Variants in USP47 observed in about 807,000 individuals in gnomAD.
USP47 encodes the protein ubiquitin specific peptidase 47, also known as ubiquitin carboxyl-terminal hydrolase 47.
In USP47, 35 loss-of-function variants were observed where a neutral mutation model predicts 165.1. The ratio of observed to expected loss-of-function variants is 0.21; its 90% CI spans 0.16 to 0.28. The LOEUF is 0.28. Ranked by LOEUF, USP47 falls within the 10% of genes least tolerant of loss-of-function variation. The probability of loss-of-function intolerance (pLI) is 1.00; values close to 1 mark genes in which losing one functional copy is unlikely to be tolerated. For missense variants in USP47, 1,277 were observed against 1,607.4 expected (o/e 0.79, Z 3.52); for synonymous variants, 531 against 544.5 (o/e 0.98, Z 0.35).
chr11:11,959,683 T>C lies in USP47; in HGVS notation c.*3508T>C, dbSNP rs1847369608. Among the ~76,000 whole-genome samples, 1 of 152,112 alleles carries C rather than the reference T, an allele frequency of 6.6e-6. No individual in the cohort carries two copies. The highest frequency in any genetic ancestry group is 2.4e-5 in the African/African-American group (1 of 41,398). On this transcript the variant is annotated 3_prime_UTR_variant, in exon 28 of 28. Coordinates refer to ENST00000527733, the MANE Select transcript of USP47 (RefSeq NM_001282659.2). Reference sequence around the variant, plus strand: ...GCATGTGTTACTATTTAGAAAAGAGTGCAGCCATCAGTAGGTCAAGCTAGG... The same window carrying C: ...GCATGTGTTACTATTTAGAAAAGAGCGCAGCCATCAGTAGGTCAAGCTAGG...
rs1852314527 is a variant in USP47, at chr11:11,902,866, A to G, written c.739+6A>G. 6.4e-7 allele frequency: 1 copy of G among 1,558,278 alleles called. No individual in the cohort carries two copies. The highest frequency in any genetic ancestry group is 8.6e-7 in the Non-Finnish European group (1 of 1,157,654). On this transcript the variant is annotated splice_donor_region_variant and intron_variant, in intron 6 of 27. Coordinates refer to ENST00000527733, the MANE Select transcript of USP47 (RefSeq NM_001282659.2). The stretch of plus-strand genomic sequence containing the variant: ...TGGATGGGATAGTAGTGAGGGTACT[A>G]ATTCTCTTGTAATGATAAGCGTTCT...
chr11:11,875,428 G>A (rs1485160074), intron 1 of USP47, among the ~76,000 whole-genome samples: 1 of 152,122 alleles, frequency 6.6e-6, no homozygotes, highest in Non-Finnish European at 1.5e-5. Context: ...AAGAAAAGGA[G>A]ACAAGATGAC....
chr11:11,863,879 G>C (rs1347711207), intron 1 of USP47, among the ~76,000 whole-genome samples: 1 of 152,032 alleles, frequency 6.6e-6, no homozygotes, highest in Non-Finnish European at 1.5e-5. Flanking sequence ...GGCAGTACAA[G>C]GTATCCCAAA....
chr11:11,933,140 T>C, intron 15 of USP47, 24 bp downstream of exon 15: 1 of 1,591,258 alleles, frequency 6.3e-7, no homozygotes, highest in East Asian at 2.2e-5. Context: ...ATTTTATTTT[T>C]AATTGAAAGT....
In USP47 at chr11:11,926,763, A is replaced by G. The variant is rs371635168; in HGVS notation, c.1387-2671A>G. Among the ~76,000 whole-genome samples, 4 of 114,014 alleles carry G rather than the reference A, an allele frequency of 3.5e-5. No individual in the cohort carries two copies. In the South Asian group the frequency reaches 8.0e-4, roughly 23 times the overall value. 74.8% of individuals were successfully genotyped at this position (114,014 alleles called of 152,430 possible). On this transcript the variant is annotated intron_variant, in intron 11 of 27. Transcript: ENST00000527733. The stretch of plus-strand genomic sequence containing the variant: ...CCTTCCCAACTTAGTTTGTTCTTCT[A>G]TTTCTGGTTCCTTGTGGTATAAAGT...
chr11:11,851,023 G>A (rs542654664), intron 1 of USP47, among the ~76,000 whole-genome samples: 38 of 152,144 alleles, frequency 2.5e-4, no homozygotes, highest in Non-Finnish European at 5.1e-4. Flanking sequence ...CATCATATTG[G>A]CAAGTAGGGT....
chr11:11,942,380 G>T lies in USP47; in HGVS notation c.2359G>T (p.Ala787Ser), dbSNP rs752963068. ...SETLDYQMAF[A>S]DSHLWKLLDR... Reference sequence around the variant, plus strand: ...GACTTTGGATTACCAGATGGCCTTTGCAGACTCTCATTTATGGAAACTCCT... The same window carrying T: ...GACTTTGGATTACCAGATGGCCTTTTCAGACTCTCATTTATGGAAACTCCT... The change falls in exon 20 of 28, where the codon GCA becomes TCA. Residue 787 changes from alanine to serine, a missense_variant. By Grantham distance (99) the Ala-to-Ser change is moderately conservative. This residue lies in a region of USP47 where 909 missense variants were observed against 1,068.1 expected (regional missense o/e 0.85). Transcript: ENST00000527733. 6.2e-7 allele frequency: 1 copy of T among 1,612,554 alleles called. No individual in the cohort carries two copies. The highest frequency in any genetic ancestry group is 1.1e-5 in the South Asian group (1 of 90,904).
In USP47 at chr11:11,956,057, AAAAAG is replaced by A. The variant is rs1361896053; in HGVS notation, c.3954_3958del (p.Glu1319GlnfsTer16). 6.2e-7 allele frequency: 1 copy of A among 1,602,890 alleles called. No individual in the cohort carries two copies. On this transcript the variant is annotated frameshift_variant, in exon 28 of 28. Transcript: ENST00000527733. LOFTEE classifies it high-confidence loss of function. ...GATGAGCAAAGAAATGAACTGATGA[AAAAAG>A]AAAGCAGTCGACTCCAGAAGACTGG...
At position 11,917,940 on chromosome 11, in the gene USP47, G is replaced by T. The variant is rs551998694; in HGVS notation, c.970-2216G>T. 5.3e-5 allele frequency among the ~76,000 whole-genome samples: 8 copies of T among 152,222 alleles called. No individual in the cohort carries two copies. In the South Asian group the frequency reaches 1.7e-3, roughly 32 times the overall value. On this transcript the variant is annotated intron_variant, in intron 8 of 27. Transcript: ENST00000527733. ...TTGATTTAGGCAGGAATCTGTAAGTGGATGTTAAAATCAAGGGTGGAAGAT... is the reference window on the plus strand; with the variant it reads ...TTGATTTAGGCAGGAATCTGTAAGTTGATGTTAAAATCAAGGGTGGAAGAT...
intron 1 of USP47, among the ~76,000 whole-genome samples, chr11:11,865,956 C>G (rs574845652): frequency 2.0e-5 from 3 of 152,038 alleles, no homozygotes; most frequent in East Asian, 1.9e-4. Context: ...TATTTTCTCC[C>G]ATTCTGAGTT....
chr11:11,947,805 G>T, intron 20 of USP47, 140 bp from the exon 21 acceptor site: 1 of 720,440 alleles, frequency 1.4e-6, no homozygotes. Flanking sequence ...CATTCAGTGT[G>T]GTATATTAGC....
At chr11:11,897,151 T>C (rs4360694) in intron 4 of USP47, among the ~76,000 whole-genome samples, 32,802 of 150,562 alleles carry the variant, frequency 0.22, 4,294 homozygotes, top group Non-Finnish European at 0.29. Flanking sequence ...GGTAACTGGT[T>C]CTGTATAGTC....
chr11:11,938,194 A>G (rs1564888623), intron 17 of USP47, 63 bp from the exon 18 acceptor site: 2 of 1,372,896 alleles, frequency 1.5e-6, no homozygotes, highest in East Asian at 4.6e-5. Context: ...AGAATGCATT[A>G]CTCATGTGAA....
intron 1 of USP47, chr11:11,873,988 T>C: frequency 2.1e-6 from 1 of 480,618 alleles, no homozygotes; most frequent in Admixed American, 4.4e-5. Flanking sequence ...TTCTACCCAA[T>C]TTTAATAATA....
rs180875676 is a variant in USP47 at position 11,943,036 on chromosome 11, T to G, written c.3015T>G (p.Ser1005Arg). 4 of 1,612,894 alleles carry G rather than the reference T, an allele frequency of 2.5e-6. No individual in the cohort carries two copies. The highest frequency in any genetic ancestry group is 3.4e-6 in the Non-Finnish European group (4 of 1,179,446). ...GTGAATATGATGAGAGTGGCAAGAG[T>G]AGGGGAGAAATGCAGTACATGTATT... ...TDSEYDESGK[S>R]RGEMQYMYFK... Residue 1005 changes from serine (S) to arginine (R), a missense_variant, in exon 20 of 28, where the codon AGT becomes AGG. Around this residue, in one of 4 missense-constraint regions of USP47, gnomAD observed 909 missense variants for 1,068.1 expected, o/e 0.85. Transcript: ENST00000527733.
intron 1 of USP47, among the ~76,000 whole-genome samples, chr11:11,874,629 G>T (rs181578698): frequency 6.6e-6 from 1 of 150,976 alleles, no homozygotes; most frequent in Non-Finnish European, 1.5e-5. Flanking sequence ...GTGTGACCTC[G>T]GCTGACTGCA....
intron 18 of USP47, among the ~76,000 whole-genome samples, chr11:11,938,660 C>T (rs578086683): frequency 6.6e-6 from 1 of 151,944 alleles, no homozygotes; most frequent in African/African-American, 2.4e-5. Context: ...ACAGTAAACA[C>T]GAAAGTTTGG....
At chr11:11,939,728 T>C (rs1564889316) in intron 18 of USP47, among the ~76,000 whole-genome samples, 1 of 151,984 alleles carries the variant, frequency 6.6e-6, no homozygotes, top group Non-Finnish European at 1.5e-5. Flanking sequence ...TTAATAATCT[T>C]ACTGAGAAAA....
At chr11:11,916,191 G>T (rs1161774758) in intron 8 of USP47, among the ~76,000 whole-genome samples, 1 of 152,200 alleles carries the variant, frequency 6.6e-6, no homozygotes, top group Non-Finnish European at 1.5e-5. Context: ...GCTCACGCCT[G>T]TAATCCTAGC....
Sources: allele counts gnomAD v4.1 joint callset (sites outside exome capture counted in the v4.1 genomes callset), GRCh38; gene constraint gnomAD v4.1.1; regional missense constraint gnomAD v4.1.1; transcripts MANE v1.5; gene names NCBI Gene and HGNC (gene_info 2026-07-23, HGNC 2026-07-21).